The following POFUT3 variants were observed in gnomAD, a reference collection of about 807,000 sequenced individuals.
The protein encoded by POFUT3 is GDP-fucose protein O-fucosyltransferase 3.
At chr8:33,398,206 A>AT in the POFUT3 span, among the ~76,000 whole-genome samples, 10 of 152,120 alleles carry the variant, frequency 6.6e-5, no homozygotes, top group Non-Finnish European at 1.3e-4. Context: ...CCCAATTATT[A>AT]TTTTTTTGTT....
the POFUT3 span, among the ~76,000 whole-genome samples, chr8:33,320,612 G>A: frequency 2.6e-5 from 4 of 152,072 alleles, no homozygotes; most frequent in South Asian, 2.1e-4. Flanking sequence ...GATCTGTCAC[G>A]TCAGATGGAG....
At chr8:33,372,824 A>G in the POFUT3 span, 1 of 1,605,828 alleles carries the variant, frequency 6.2e-7, no homozygotes, top group Non-Finnish European at 8.5e-7. Flanking sequence ...GAGAAAAGAG[A>G]AATGAATTAA....
At chr8:33,455,265 T>C in the POFUT3 span, among the ~76,000 whole-genome samples, 7 of 152,134 alleles carry the variant, frequency 4.6e-5, no homozygotes, top group East Asian at 1.9e-4. Flanking sequence ...ATAGTCTAAG[T>C]CTGGGTCACT....
chr8:33,460,890 C>T, the POFUT3 span: 4,899 of 229,354 alleles, frequency 0.021, 77 homozygotes, highest in East Asian at 0.078. Flanking sequence ...CAGTGGCTCA[C>T]GCCTGTAATC....
the POFUT3 span, among the ~76,000 whole-genome samples, chr8:33,403,542 C>T: frequency 6.6e-6 from 1 of 151,574 alleles, no homozygotes. Context: ...AGAGTGAGAC[C>T]CTGTCTCTAC....
chr8:33,383,810 C>CAT, the POFUT3 span, among the ~76,000 whole-genome samples: 53 of 151,814 alleles, frequency 3.5e-4, no homozygotes, highest in Non-Finnish European at 4.4e-4. Flanking sequence ...AAACAACTGC[C>CAT]CCCTCAGACA....
At chr8:33,313,376 C>T in the POFUT3 span, among the ~76,000 whole-genome samples, 1 of 152,326 alleles carries the variant, frequency 6.6e-6, no homozygotes, top group African/African-American at 2.4e-5. Context: ...GCTAAATCCT[C>T]AGTTTCTCTT....
At chr8:33,316,484 G>C in the POFUT3 span, among the ~76,000 whole-genome samples, 3 of 152,048 alleles carry the variant, frequency 2.0e-5, no homozygotes, top group African/African-American at 7.2e-5. Context: ...ACTTTGGGAG[G>C]CTGAGGCAGG....
chr8:33,361,493 G>A, the POFUT3 span: 4 of 152,252 alleles, frequency 2.6e-5, no homozygotes, highest in South Asian at 6.2e-4. Context: ...AGAGATTCAC[G>A]AGGTAAATTC....
the POFUT3 span, among the ~76,000 whole-genome samples, chr8:33,463,376 G>A: frequency 6.6e-6 from 1 of 151,976 alleles, no homozygotes; most frequent in East Asian, 2.0e-4. Flanking sequence ...GCGGTGGCAG[G>A]CACCTGTAAT....
the POFUT3 span, among the ~76,000 whole-genome samples, chr8:33,411,403 A>C: frequency 1.3e-5 from 2 of 152,242 alleles, no homozygotes; most frequent in Admixed American, 6.5e-5. Context: ...ACTTTATTGA[A>C]TGCCTCTATC....
chr8:33,423,004 A>G, the POFUT3 span, among the ~76,000 whole-genome samples: 4 of 152,064 alleles, frequency 2.6e-5, no homozygotes, highest in Admixed American at 2.6e-4. Flanking sequence ...TTTTGTAAAG[A>G]CGGGGTCTTG....
At chr8:33,428,929 TA>T in the POFUT3 span, among the ~76,000 whole-genome samples, 1 of 152,184 alleles carries the variant, frequency 6.6e-6, no homozygotes, top group Non-Finnish European at 1.5e-5. Context: ...TCTGTTACAG[TA>T]GCACAAAACA....
chr8:33,410,922 G>T, the POFUT3 span, among the ~76,000 whole-genome samples: 3 of 152,126 alleles, frequency 2.0e-5, no homozygotes, highest in African/African-American at 7.2e-5. Context: ...CCTCCAGGCA[G>T]GCTGCCTGTT....
At chr8:33,313,460 A>C in the POFUT3 span, among the ~76,000 whole-genome samples, 2 of 152,066 alleles carry the variant, frequency 1.3e-5, no homozygotes, top group Non-Finnish European at 2.9e-5. Context: ...TTTGGAGCTA[A>C]TGGTTGCAGG....
the POFUT3 span, among the ~76,000 whole-genome samples, chr8:33,421,617 T>C: frequency 6.6e-6 from 1 of 152,296 alleles, no homozygotes; most frequent in South Asian, 2.1e-4. Flanking sequence ...TTTGACTCCT[T>C]GAGAGTACTG....
the POFUT3 span, among the ~76,000 whole-genome samples, chr8:33,438,547 T>C: frequency 5.9e-5 from 9 of 152,156 alleles, no homozygotes; most frequent in South Asian, 2.1e-4. Context: ...GTTTGCACCA[T>C]TGCACTCCAG....
the POFUT3 span, among the ~76,000 whole-genome samples, chr8:33,384,965 C>T: frequency 2.6e-5 from 4 of 152,172 alleles, no homozygotes; most frequent in Non-Finnish European, 5.9e-5. Context: ...GCACAGCAGT[C>T]ACTGGTTTTA....
chr8:33,448,997 G>T, the POFUT3 span, among the ~76,000 whole-genome samples: 3 of 152,112 alleles, frequency 2.0e-5, no homozygotes, highest in African/African-American at 4.8e-5. Context: ...AAAGCAGTGC[G>T]CTATATACAG....
Sources: gnomAD v4.1 joint callset for allele counts (sites outside exome capture counted in the v4.1 genomes callset) on GRCh38, gnomAD v4.1.1 for gene constraint, MANE v1.5 for transcripts, NCBI Gene and HGNC (gene_info 2026-07-23, HGNC 2026-07-21) for gene names.